EPHA3: variants seen among roughly 807,000 people sequenced by gnomAD.
EPHA3 encodes the protein ephrin type-A receptor 3.
A neutral mutation model predicts 107.1 loss-of-function variants in EPHA3; 42 were observed. The ratio of observed to expected loss-of-function variants is 0.39; its 90% CI spans 0.31 to 0.51. The LOEUF (loss-of-function observed/expected upper bound fraction) is 0.51. Ranked by LOEUF, EPHA3 falls within the 20% of genes least tolerant of loss-of-function variation. The probability of loss-of-function intolerance (pLI) is 0.78; values close to 1 mark genes in which losing one functional copy is unlikely to be tolerated. For missense variants in EPHA3, 1,183 were observed against 1,211.2 expected (o/e 0.98, Z 0.35); for synonymous variants, 461 against 424.8 (o/e 1.09, Z -1.05).
At chr3:89,436,769 A>ACTGT (rs1709678800) in intron 13 of EPHA3, among the ~76,000 whole-genome samples, 1 of 152,184 alleles carries the variant, frequency 6.6e-6, no homozygotes, top group Non-Finnish European at 1.5e-5. Flanking sequence ...TGTGTTCTAT[A>ACTGT]CTGTCTTAGG....
At chr3:89,380,822 G>A (rs1361639923) in intron 5 of EPHA3, among the ~76,000 whole-genome samples, 1 of 151,158 alleles carries the variant, frequency 6.6e-6, no homozygotes, top group African/African-American at 2.4e-5. Flanking sequence ...AAGCTGGGGG[G>A]CAGTGGCGCA....
intron 13 of EPHA3, among the ~76,000 whole-genome samples, chr3:89,448,246 T>C (rs1384589323): frequency 6.6e-6 from 1 of 152,118 alleles, no homozygotes; most frequent in Non-Finnish European, 1.5e-5. Context: ...TGAATCAAAA[T>C]TTTCATTTTA....
intron 2 of EPHA3, among the ~76,000 whole-genome samples, chr3:89,188,027 C>T (rs765148290): frequency 7.9e-5 from 12 of 151,964 alleles, no homozygotes; most frequent in Admixed American, 1.3e-4. Context: ...TTTTAATGGG[C>T]AATATATAAC....
intron 2 of EPHA3, among the ~76,000 whole-genome samples, chr3:89,195,110 AT>A (rs1000831070): frequency 1.5e-4 from 22 of 151,574 alleles, no homozygotes; most frequent in Admixed American, 5.3e-4. Context: ...TATGCATGTA[AT>A]TTTTTTTTCT....
intron 3 of EPHA3, among the ~76,000 whole-genome samples, chr3:89,335,198 C>CT (rs1316910268): frequency 1.3e-5 from 2 of 152,130 alleles, no homozygotes; most frequent in Non-Finnish European, 2.9e-5. Flanking sequence ...GTTCTGAAGG[C>CT]TGGGAAGTCC....
intron 3 of EPHA3, among the ~76,000 whole-genome samples, chr3:89,246,527 A>G (rs774979077): frequency 6.6e-6 from 1 of 152,010 alleles, no homozygotes; most frequent in African/African-American, 2.4e-5. Flanking sequence ...TGCTGGCCTA[A>G]CTCTTTGACC....
intron 2 of EPHA3, among the ~76,000 whole-genome samples, chr3:89,172,264 A>T (rs574192882): frequency 3.3e-5 from 5 of 152,234 alleles, no homozygotes; most frequent in African/African-American, 1.2e-4. Context: ...CTTCATTCAC[A>T]TGTCAGGAGC....
At chr3:89,249,929 TAG>T (rs1705122528) in intron 3 of EPHA3, among the ~76,000 whole-genome samples, 1 of 152,202 alleles carries the variant, frequency 6.6e-6, no homozygotes, top group Admixed American at 6.5e-5. Context: ...ACAATTCTGA[TAG>T]ATACACAATT....
chr3:89,183,996 A>G (rs1705503299), intron 2 of EPHA3, among the ~76,000 whole-genome samples: 1 of 152,006 alleles, frequency 6.6e-6, no homozygotes, highest in Non-Finnish European at 1.5e-5. Flanking sequence ...TATAATTTTT[A>G]TGAACAGTAT....
intron 5 of EPHA3, among the ~76,000 whole-genome samples, chr3:89,357,864 A>T (rs1708000836): frequency 6.6e-6 from 1 of 151,222 alleles, no homozygotes; most frequent in African/African-American, 2.4e-5. Flanking sequence ...AGTTTGAAAA[A>T]AATCCCATCC....
chr3:89,345,939 C>T lies in EPHA3; in HGVS notation c.1306+3849C>T, dbSNP rs574501575. Among the ~76,000 whole-genome samples the T allele has an allele frequency of 8.1e-5, 12 of 147,664 alleles. No individual in the cohort carries two copies. In the South Asian group the frequency reaches 1.3e-3, roughly 16 times the overall value. On this transcript the variant is annotated intron_variant, in intron 5 of 16. Transcript: ENST00000336596. ...ATTTCATCCATGTCCCTACAAAGGACGTGAACTCATCATTTTTTATGGCTG... is the reference window on the plus strand; with the variant it reads ...ATTTCATCCATGTCCCTACAAAGGATGTGAACTCATCATTTTTTATGGCTG...
rs1707028857 is a variant in EPHA3 at position 89,320,965 on chromosome 3, A to C, written c.815-19951A>C. Among the ~76,000 whole-genome samples the C allele has an allele frequency of 1.3e-5, 2 of 152,120 alleles. 1 individual carries two copies. Among genetic ancestry groups the C allele is most frequent in the South Asian group, 4.1e-4 (2 of 4,826 alleles). Reference sequence around the variant, plus strand: ...CTCCTGTGTGTATAGTAGGTGATAGAGGAAGAAATGATGGGCTATGTATAT... The same window carrying C: ...CTCCTGTGTGTATAGTAGGTGATAGCGGAAGAAATGATGGGCTATGTATAT... On this transcript the variant is annotated intron_variant, in intron 3 of 16. Transcript: ENST00000336596.
In EPHA3 at chr3:89,323,875, A is replaced by T. The variant is rs541720342; in HGVS notation, c.815-17041A>T. The stretch of plus-strand genomic sequence containing the variant: ...ATCCATATTTTTGCTAACCAACTTC[A>T]TTTAGTGTCAATAAACAGAAGCCTA... On this transcript the variant is annotated intron_variant, in intron 3 of 16. Coordinates refer to ENST00000336596, the MANE Select transcript of EPHA3 (RefSeq NM_005233.6). Among the ~76,000 whole-genome samples, 3 of 152,208 alleles carry T rather than the reference A, an allele frequency of 2.0e-5. No homozygotes were observed. The East Asian group carries it at 5.8e-4, about 29-fold the overall frequency.
rs117351473 is a variant in EPHA3 at position 89,304,470 on chromosome 3, C to T, written c.815-36446C>T. ...TACTCACCCCATCAGTCCTACCACT[C>T]GAGGCACACTAGACCCCTTGATGTT... On this transcript the variant is annotated intron_variant, in intron 3 of 16. Coordinates refer to ENST00000336596, the MANE Select transcript of EPHA3 (RefSeq NM_005233.6). Among the ~76,000 whole-genome samples the T allele has an allele frequency of 7.0e-4, 106 of 151,914 alleles. 2 individuals carry two copies. In the East Asian group the frequency reaches 0.019, roughly 28 times the overall value.
chr3:89,351,391 C>T lies in EPHA3; in HGVS notation c.1306+9301C>T, dbSNP rs558810417. 7.6e-4 allele frequency among the ~76,000 whole-genome samples: 115 copies of T among 150,836 alleles called. 1 individual carries two copies. Among genetic ancestry groups the T allele is most frequent in the African/African-American group, 2.5e-3 (103 of 41,304 alleles). ...AGTGACCCGATTTTCCAGGTGCGTC[C>T]GTCACCCCTTTCTTTGACTCGGAAA... is the stretch of plus-strand genomic sequence containing the variant. On this transcript the variant is annotated intron_variant, in intron 5 of 16. Coordinates refer to ENST00000336596, the MANE Select transcript of EPHA3 (RefSeq NM_005233.6).
intron 2 of EPHA3, among the ~76,000 whole-genome samples, chr3:89,140,669 G>T (rs1326196620): frequency 2.0e-5 from 3 of 151,682 alleles, no homozygotes; most frequent in Admixed American, 6.6e-5. Flanking sequence ...TCAAAGAAAA[G>T]TTTAGGAGAG....
chr3:89,282,205 C>G (rs890204715), intron 3 of EPHA3, among the ~76,000 whole-genome samples: 2 of 151,996 alleles, frequency 1.3e-5, no homozygotes, highest in African/African-American at 4.8e-5. Context: ...CACAAAGTAT[C>G]CAACTAATAA....
intron 11 of EPHA3, among the ~76,000 whole-genome samples, chr3:89,423,247 G>A (rs979695828): frequency 1.3e-5 from 2 of 151,390 alleles, no homozygotes; most frequent in African/African-American, 4.8e-5. Context: ...TGGGCAGAAC[G>A]TTAAGATGAT....
chr3:89,288,544 T>G (rs1435061240), intron 3 of EPHA3, among the ~76,000 whole-genome samples: 5 of 152,148 alleles, frequency 3.3e-5, no homozygotes, highest in Non-Finnish European at 7.4e-5. Flanking sequence ...CTGCATGGTT[T>G]TCAGGAGCCA....
Sources: allele counts gnomAD v4.1 joint callset (sites outside exome capture counted in the v4.1 genomes callset), GRCh38; gene constraint gnomAD v4.1.1; transcripts MANE v1.5; gene names NCBI Gene and HGNC (gene_info 2026-07-23, HGNC 2026-07-21).